Variants in INPP4B observed in about 807,000 individuals in gnomAD.
INPP4B encodes inositol polyphosphate 4-phosphatase type II.
Under a neutral mutation model 122.5 loss-of-function variants are expected in INPP4B, and 55 were observed. That is an observed-to-expected ratio of 0.45 (90% CI 0.36 to 0.56). The LOEUF is 0.56. Among genes scored for constraint, INPP4B ranks in the 20% least tolerant of loss-of-function variants. The pLI, the probability that INPP4B is intolerant of heterozygous loss-of-function variation, is 0.00. For missense variants in INPP4B, 1,000 were observed against 1,097.7 expected (o/e 0.91, Z 1.26); for synonymous variants, 403 against 388.7 (o/e 1.04, Z -0.43).
intron 6 of INPP4B, 59 bp downstream of exon 6, chr4:142,405,147 G>C (rs1444248767): frequency 2.0e-6 from 2 of 985,280 alleles, no homozygotes; most frequent in Admixed American, 1.9e-5. Context: ...GAGCAAGAGC[G>C]AGCGAGCCAG....
chr4:142,486,086 A>T (rs889026545), intron 2 of INPP4B, among the ~76,000 whole-genome samples: 1 of 152,138 alleles, frequency 6.6e-6, no homozygotes, highest in Admixed American at 6.6e-5. Context: ...GCCGATTCAC[A>T]AGAGGAAAGG....
intron 7 of INPP4B, among the ~76,000 whole-genome samples, chr4:142,398,392 AAAAAAAAAAATATATATATATATATATAT>A (rs1476690507): frequency 0.043 from 1,197 of 28,072 alleles, 64 homozygotes; most frequent in Non-Finnish European, 0.07. Context: ...AAAAAAAAAA[AAAAAAAAAAATATATATATATATATATAT>A]ATATATATAT....
intron 15 of INPP4B, among the ~76,000 whole-genome samples, chr4:142,185,055 G>A (rs1579209126): frequency 2.0e-5 from 3 of 152,042 alleles, no homozygotes; most frequent in African/African-American, 7.2e-5. Context: ...TAAGAGGTTT[G>A]GTAGTAGAAT....
intron 25 of INPP4B, among the ~76,000 whole-genome samples, chr4:142,065,615 T>C (rs1763119413): frequency 6.6e-6 from 1 of 152,158 alleles, no homozygotes; most frequent in Non-Finnish European, 1.5e-5. Context: ...CCACGAATTG[T>C]ATAAATCTAT....
intron 4 of INPP4B, among the ~76,000 whole-genome samples, 175 bp downstream of exon 4, chr4:142,430,994 T>A (rs913649368): frequency 6.6e-6 from 1 of 152,136 alleles, no homozygotes. Flanking sequence ...AGGCATATCA[T>A]ACACTCATGC....
intron 14 of INPP4B, among the ~76,000 whole-genome samples, chr4:142,205,220 T>C (rs2149486231): frequency 6.6e-6 from 1 of 152,242 alleles, no homozygotes; most frequent in Non-Finnish European, 1.5e-5. Context: ...TTTCTCTTTG[T>C]TTGGTGGAAG....
At chr4:142,265,244 T>C (rs1255978216) in intron 10 of INPP4B, among the ~76,000 whole-genome samples, 2 of 152,234 alleles carry the variant, frequency 1.3e-5, no homozygotes, top group Non-Finnish European at 2.9e-5. Context: ...CTCTCTTATT[T>C]ACGTCTACAT....
intron 2 of INPP4B, among the ~76,000 whole-genome samples, chr4:142,616,577 CCATA>C: frequency 6.6e-6 from 1 of 152,092 alleles, no homozygotes; most frequent in African/African-American, 2.4e-5. Flanking sequence ...ATTCTGGTGA[CCATA>C]CATTTTTGTC....
intron 2 of INPP4B, among the ~76,000 whole-genome samples, chr4:142,631,742 A>G (rs1228004022): frequency 6.6e-6 from 1 of 152,174 alleles, no homozygotes; most frequent in Non-Finnish European, 1.5e-5. Context: ...CAGCTAATCT[A>G]TCTACAGAAA....
At chr4:142,416,638 G>A (rs1167466719) in intron 5 of INPP4B, among the ~76,000 whole-genome samples, 5 of 151,972 alleles carry the variant, frequency 3.3e-5, no homozygotes, top group African/African-American at 4.8e-5. Flanking sequence ...TGGTTCTAGG[G>A]GCATAATGAG....
chr4:142,416,811 G>A (rs2149281486), intron 5 of INPP4B, among the ~76,000 whole-genome samples: 1 of 152,150 alleles, frequency 6.6e-6, no homozygotes, highest in African/African-American at 2.4e-5. Flanking sequence ...GGGCTTTGAG[G>A]GTGTCGATTC....
At chr4:142,589,840 T>C (rs954333073) in intron 2 of INPP4B, among the ~76,000 whole-genome samples, 1 of 152,148 alleles carries the variant, frequency 6.6e-6, no homozygotes, top group Non-Finnish European at 1.5e-5. Flanking sequence ...ATTGCACATT[T>C]ATTTGTAATC....
chr4:142,208,151 C>T (rs1021319604), intron 14 of INPP4B, among the ~76,000 whole-genome samples: 1 of 151,936 alleles, frequency 6.6e-6, no homozygotes, highest in African/African-American at 2.4e-5. Flanking sequence ...TAACTATTAG[C>T]CACCGTTAAT....
intron 2 of INPP4B, among the ~76,000 whole-genome samples, chr4:142,564,438 G>A (rs1433443276): frequency 6.8e-5 from 1 of 14,782 alleles, no homozygotes; most frequent in African/African-American, 1.7e-4. Context: ...TTAAGGAATG[G>A]CAAAAAAAAA....
intron 25 of INPP4B, among the ~76,000 whole-genome samples, chr4:142,071,469 A>G (rs970962955): frequency 3.9e-5 from 6 of 152,210 alleles, no homozygotes; most frequent in Middle Eastern, 3.2e-3. Flanking sequence ...TGGCAACAAA[A>G]GCCAAAATGG....
In INPP4B at chr4:142,297,224, TGG is replaced by T. The variant is rs1215025867; in HGVS notation, c.503+8232_503+8233del. On this transcript the variant is annotated intron_variant, in intron 9 of 25. Coordinates refer to ENST00000262992, the MANE Select transcript of INPP4B (RefSeq NM_001101669.3). Reference sequence around the variant, plus strand: ...ATTTCTTTTGCTGGTAGCTGCTACCTGGCAATAAGCCATATGATGCCAGAGTG... The same window carrying T: ...ATTTCTTTTGCTGGTAGCTGCTACCTCAATAAGCCATATGATGCCAGAGTG... Among the ~76,000 whole-genome samples, 6 of 152,368 alleles carry T rather than the reference TGG, an allele frequency of 3.9e-5. No homozygotes were observed. In the East Asian group the frequency reaches 1.2e-3, roughly 29 times the overall value.
At chr4:142,640,417 A>G (rs1034486814) in intron 2 of INPP4B, among the ~76,000 whole-genome samples, 2 of 152,150 alleles carry the variant, frequency 1.3e-5, no homozygotes, top group Non-Finnish European at 2.9e-5. Context: ...GGAAGTTGAC[A>G]CTGTAGAGCT....
At position 142,252,213 on chromosome 4, in the gene INPP4B, G is replaced by T. The variant is rs1453358102; in HGVS notation, c.688+8279C>A. On this transcript the variant is annotated intron_variant, in intron 11 of 25. Coordinates refer to ENST00000262992, the MANE Select transcript of INPP4B (RefSeq NM_001101669.3). ...TTTTTTTTTTTTTTTTTTTGAGACG[G>T]AGTCTCGCTCTGTCGCCCAGGCTGG... is the stretch of plus-strand genomic sequence containing the variant. Among the ~76,000 whole-genome samples, 3 of 142,200 alleles carry T rather than the reference G, an allele frequency of 2.1e-5. No homozygotes were observed. In the Admixed American group the frequency reaches 2.2e-4, roughly 10 times the overall value. 93.3% of individuals were successfully genotyped at this position (142,200 alleles called of 152,430 possible).
intron 5 of INPP4B, among the ~76,000 whole-genome samples, chr4:142,415,545 A>C (rs1029217161): frequency 7.9e-5 from 12 of 151,954 alleles, no homozygotes; most frequent in African/African-American, 2.9e-4. Context: ...ACACTTTTAC[A>C]CTGTTGGTGG....
Sources: allele counts gnomAD v4.1 joint callset (sites outside exome capture counted in the v4.1 genomes callset), GRCh38; gene constraint gnomAD v4.1.1; transcripts MANE v1.5; gene names NCBI Gene and HGNC (gene_info 2026-07-23, HGNC 2026-07-21).